The following VPS13B variants were observed in gnomAD, a reference collection of about 807,000 sequenced individuals.
The protein encoded by VPS13B is vacuolar protein sorting 13 homolog B.
VPS13B carries 285 observed loss-of-function variants against 426.4 expected under a neutral mutation model. The ratio of observed to expected loss-of-function variants is 0.67; its 90% confidence interval spans 0.61 to 0.74. VPS13B has a LOEUF of 0.74. Ranked by LOEUF, VPS13B falls within the 30% of genes least tolerant of loss-of-function variation. The pLI is 0.00. For synonymous variants in VPS13B, 1,676 were observed against 1,676.4 expected, an observed-to-expected ratio of 1.00 and a Z score of 0.01; for missense variants, 4,537 against 4,782.6, an observed-to-expected ratio of 0.95 and a Z score of 1.51.
chr8:99,630,366 T>C (rs1433004815), intron 33 of VPS13B, among the ~76,000 whole-genome samples: 1 of 152,162 alleles, frequency 6.6e-6, no homozygotes, highest in African/African-American at 2.4e-5. Context: ...TTTGTGTGTT[T>C]CCCTAAGCCT....
At chr8:99,324,722 T>C (rs1378405141) in intron 19 of VPS13B, among the ~76,000 whole-genome samples, 1 of 152,210 alleles carries the variant, frequency 6.6e-6, no homozygotes, top group African/African-American at 2.4e-5. Flanking sequence ...GTATTTCAAG[T>C]GACAGAGCAC....
intron 2 of VPS13B, among the ~76,000 whole-genome samples, chr8:99,029,612 A>ACC: frequency 6.6e-6 from 1 of 152,092 alleles, no homozygotes; most frequent in Admixed American, 6.5e-5. Context: ...TCTCCACCAA[A>ACC]AAAAAAAACG....
At chr8:99,505,763 A>G (rs1821466424) in intron 27 of VPS13B, among the ~76,000 whole-genome samples, 1 of 152,190 alleles carries the variant, frequency 6.6e-6, no homozygotes, top group South Asian at 2.1e-4. Flanking sequence ...TACTCAATGT[A>G]AGGCTGCCAC....
chr8:99,421,091 A>G (rs1392049903), intron 21 of VPS13B, among the ~76,000 whole-genome samples: 2 of 152,142 alleles, frequency 1.3e-5, no homozygotes, highest in African/African-American at 4.8e-5. Context: ...ACTTAGATTA[A>G]ATTCATTTTC....
chr8:99,622,953 A>T (rs1254824265), intron 33 of VPS13B, among the ~76,000 whole-genome samples: 1 of 152,136 alleles, frequency 6.6e-6, no homozygotes, highest in Non-Finnish European at 1.5e-5. Flanking sequence ...GTAGCCTCAT[A>T]ATTCATCTCC....
intron 25 of VPS13B, among the ~76,000 whole-genome samples, chr8:99,499,550 T>C (rs1821115241): frequency 6.6e-6 from 1 of 152,154 alleles, no homozygotes; most frequent in Non-Finnish European, 1.5e-5. Flanking sequence ...TATATTGCCT[T>C]TTATTTAATA....
intron 19 of VPS13B, among the ~76,000 whole-genome samples, chr8:99,365,446 G>A (rs191242302): frequency 3.5e-4 from 52 of 148,904 alleles, no homozygotes; most frequent in African/African-American, 1.1e-3. Context: ...TCCTGCTTTT[G>A]CTGTTTTGGT....
chr8:99,479,449 T>C (rs2133551176), intron 24 of VPS13B, among the ~76,000 whole-genome samples: 1 of 152,336 alleles, frequency 6.6e-6, no homozygotes, highest in African/African-American at 2.4e-5. Context: ...TTAGGGATTT[T>C]TAAAAAATGT....
intron 19 of VPS13B, among the ~76,000 whole-genome samples, chr8:99,338,608 CAT>C (rs1349622569): frequency 6.6e-6 from 1 of 152,026 alleles, no homozygotes; most frequent in African/African-American, 2.4e-5. Flanking sequence ...TTTTGCCTAA[CAT>C]ATAAAAATGG....
chr8:99,351,535 T>C (rs1294755092), intron 19 of VPS13B, among the ~76,000 whole-genome samples: 1 of 152,016 alleles, frequency 6.6e-6, no homozygotes, highest in Non-Finnish European at 1.5e-5. Flanking sequence ...TGGAATCCCT[T>C]TTTAGTCTGG....
chr8:99,340,396 T>C, intron 19 of VPS13B: 1 of 460,758 alleles, frequency 2.2e-6, no homozygotes, highest in Non-Finnish European at 4.3e-6. Flanking sequence ...ATGGTATATA[T>C]TCTGCTAAAA....
intron 33 of VPS13B, among the ~76,000 whole-genome samples, chr8:99,620,551 C>T (rs1018320132): frequency 3.3e-5 from 5 of 151,882 alleles, no homozygotes; most frequent in Non-Finnish European, 1.5e-5. Context: ...ATTGAGTTCC[C>T]ATTATGTATG....
intron 30 of VPS13B, among the ~76,000 whole-genome samples, chr8:99,521,410 G>A (rs1267598258): frequency 6.6e-6 from 1 of 152,190 alleles, no homozygotes; most frequent in Non-Finnish European, 1.5e-5. Context: ...TATTTGAAAT[G>A]TAGGAATGTG....
chr8:99,094,290 TTTAATG>T (rs1303880129), intron 3 of VPS13B, among the ~76,000 whole-genome samples: 12 of 152,338 alleles, frequency 7.9e-5, no homozygotes, highest in East Asian at 7.7e-4. Flanking sequence ...ATAATGTGCT[TTTAATG>T]TTAATGTTGT....
intron 33 of VPS13B, among the ~76,000 whole-genome samples, chr8:99,585,344 T>C (rs1455615495): frequency 6.6e-6 from 1 of 152,178 alleles, no homozygotes; most frequent in African/African-American, 2.4e-5. Flanking sequence ...GCTTAGTCTT[T>C]TTTGGCAAAG....
At chr8:99,069,052 A>C (rs1319992245) in intron 3 of VPS13B, among the ~76,000 whole-genome samples, 1 of 152,106 alleles carries the variant, frequency 6.6e-6, no homozygotes, top group Non-Finnish European at 1.5e-5. Flanking sequence ...AAAATTATAT[A>C]TATTTTTCTA....
intron 21 of VPS13B, among the ~76,000 whole-genome samples, chr8:99,404,310 AT>A (rs924120886): frequency 1.5e-4 from 23 of 151,700 alleles, no homozygotes; most frequent in Middle Eastern, 3.4e-3. Context: ...AATTCAACCA[AT>A]TTTTTTTTAC....
At chr8:99,824,080 A>ATG in intron 51 of VPS13B, 102 bp downstream of exon 51, 1 of 1,370,728 alleles carries the variant, frequency 7.3e-7, no homozygotes. Context: ...CTAACCCTGA[A>ATG]TGTAGGTAAA....
intron 19 of VPS13B, chr8:99,347,456 C>T (rs752312235): frequency 1.3e-5 from 2 of 156,342 alleles, no homozygotes; most frequent in Non-Finnish European, 2.8e-5. Flanking sequence ...CTGTCTTACC[C>T]AGTTATTGCT....
Sources: allele counts gnomAD v4.1 joint callset (sites outside exome capture counted in the v4.1 genomes callset), GRCh38; gene constraint gnomAD v4.1.1; transcripts MANE v1.5; gene names NCBI Gene and HGNC (gene_info 2026-07-23, HGNC 2026-07-21).